Variants in CCDC170 observed in about 807,000 individuals in gnomAD.
CCDC170 encodes coiled-coil domain-containing protein 170.
A neutral mutation model predicts 72.6 loss-of-function variants in CCDC170; 69 were observed. The ratio of observed to expected loss-of-function variants is 0.95; its 90% confidence interval spans 0.78 to 1.16. The LOEUF (loss-of-function observed/expected upper bound fraction) is 1.16. Ranked by LOEUF, CCDC170 falls within the 50% of genes most tolerant of loss-of-function variation. The pLI, the probability that CCDC170 is intolerant of heterozygous loss-of-function variation, is 0.00. For synonymous variants in CCDC170, 300 were observed against 303.9 expected, an observed-to-expected ratio of 0.99 and a Z score of 0.13; for missense variants, 852 against 832.5, an observed-to-expected ratio of 1.02 and a Z score of -0.29.
At chr6:151,502,198 A>AG (rs778530771) in intron 1 of CCDC170, among the ~76,000 whole-genome samples, 1 of 152,198 alleles carries the variant, frequency 6.6e-6, no homozygotes, top group Non-Finnish European at 1.5e-5. Flanking sequence ...CTTGAGCCCA[A>AG]GAGTTTAGAG....
intron 8 of CCDC170, among the ~76,000 whole-genome samples, chr6:151,595,836 TA>T (rs1776613187): frequency 1.3e-5 from 2 of 152,062 alleles, no homozygotes; most frequent in African/African-American, 4.8e-5. Flanking sequence ...AAAGTTGATA[TA>T]TATCCACTCT....
chr6:151,499,148 G>C (rs866196601), intron 1 of CCDC170, among the ~76,000 whole-genome samples: 1 of 133,250 alleles, frequency 7.5e-6, no homozygotes. Flanking sequence ...GACTATTCTA[G>C]GCACGCTGTA....
chr6:151,569,523 T>G (rs1412374521), intron 5 of CCDC170, among the ~76,000 whole-genome samples: 1 of 152,254 alleles, frequency 6.6e-6, no homozygotes, highest in Non-Finnish European at 1.5e-5. Context: ...TGATTTCCTC[T>G]GTGGAGGTCA....
At chr6:151,608,492 T>C (rs936496101) in intron 9 of CCDC170, among the ~76,000 whole-genome samples, 6 of 151,734 alleles carry the variant, frequency 4.0e-5, no homozygotes, top group Non-Finnish European at 1.5e-5. Flanking sequence ...ATATGGCCTA[T>C]ATTGTTGATT....
intron 1 of CCDC170, among the ~76,000 whole-genome samples, chr6:151,525,140 G>C (rs1382292434): frequency 6.6e-6 from 1 of 152,044 alleles, no homozygotes; most frequent in Non-Finnish European, 1.5e-5. Flanking sequence ...CACTGTGTTA[G>C]CCAGGATAGT....
intron 1 of CCDC170, among the ~76,000 whole-genome samples, chr6:151,501,269 A>C (rs1781990836): frequency 6.6e-6 from 1 of 152,130 alleles, no homozygotes; most frequent in African/African-American, 2.4e-5. Flanking sequence ...TGGGGAGACT[A>C]AGGAAAAATG....
At chr6:151,608,822 G>C (rs1272153432) in intron 9 of CCDC170, among the ~76,000 whole-genome samples, 1 of 152,194 alleles carries the variant, frequency 6.6e-6, no homozygotes, top group Middle Eastern at 3.2e-3. Context: ...CAGGAAGTGA[G>C]TTTGCCTCAG....
At chr6:151,548,225 G>T (rs1355535475) in intron 4 of CCDC170, 79 bp from the exon 5 acceptor site, 21 of 1,240,340 alleles carry the variant, frequency 1.7e-5, no homozygotes, top group Middle Eastern at 6.1e-4. Context: ...TGATAATGCA[G>T]TCTATAGATG....
At chr6:151,586,717 A>C (rs1037643532) in intron 7 of CCDC170, among the ~76,000 whole-genome samples, 1 of 151,990 alleles carries the variant, frequency 6.6e-6, no homozygotes, top group Non-Finnish European at 1.5e-5. Context: ...AGTGTTCTTT[A>C]CTCTGTAGAA....
chr6:151,494,317 G>C (rs1378936080), intron 1 of CCDC170, 132 bp downstream of exon 1: 4 of 979,794 alleles, frequency 4.1e-6, no homozygotes, highest in Non-Finnish European at 5.5e-6. Context: ...CTCTGTGCCC[G>C]CGAGGGCTGT....
chr6:151,605,293 A>G (rs1776766422), intron 9 of CCDC170, among the ~76,000 whole-genome samples: 1 of 152,212 alleles, frequency 6.6e-6, no homozygotes, highest in African/African-American at 2.4e-5. Flanking sequence ...TGTTTGCCTC[A>G]GCTCTAGTCA....
intron 5 of CCDC170, among the ~76,000 whole-genome samples, chr6:151,565,468 G>A (rs966998576): frequency 6.6e-6 from 1 of 152,304 alleles, no homozygotes; most frequent in Admixed American, 6.5e-5. Context: ...GAGCTTCTCT[G>A]TGCTCCCAGC....
chr6:151,580,949 A>G (rs527723668), intron 6 of CCDC170, among the ~76,000 whole-genome samples: 11 of 152,198 alleles, frequency 7.2e-5, no homozygotes, highest in Non-Finnish European at 1.2e-4. Flanking sequence ...GTGTGCAATA[A>G]CCCTATATCT....
intron 1 of CCDC170, among the ~76,000 whole-genome samples, chr6:151,496,882 T>C (rs766824912): frequency 1.3e-5 from 2 of 152,232 alleles, no homozygotes; most frequent in Non-Finnish European, 2.9e-5. Context: ...TCACGGTTAA[T>C]AAATGTAAGG....
At chr6:151,571,934 T>C (rs1018316748) in intron 5 of CCDC170, among the ~76,000 whole-genome samples, 6 of 152,228 alleles carry the variant, frequency 3.9e-5, no homozygotes, top group Non-Finnish European at 7.3e-5. Flanking sequence ...CTGCTCACTG[T>C]AGCTTTGAAT....
chr6:151,598,062 T>A (rs1776650867), intron 9 of CCDC170, among the ~76,000 whole-genome samples: 1 of 152,196 alleles, frequency 6.6e-6, no homozygotes, highest in South Asian at 2.1e-4. Flanking sequence ...ACTGCCAAGT[T>A]GAAGTGTACT....
intron 8 of CCDC170, 133 bp from the exon 9 acceptor site, chr6:151,596,202 C>A: frequency 9.1e-7 from 1 of 1,094,160 alleles, no homozygotes; most frequent in Admixed American, 3.3e-5. Flanking sequence ...GAAAAGGAAT[C>A]CAATGACTTT....
chr6:151,598,571 G>A (rs9383931), intron 9 of CCDC170, among the ~76,000 whole-genome samples: 37 of 151,988 alleles, frequency 2.4e-4, no homozygotes, highest in African/African-American at 7.5e-4. Context: ...GTGAGAGACC[G>A]TCACAAATTT....
chr6:151,508,404 G>T (rs943432245), intron 1 of CCDC170, among the ~76,000 whole-genome samples: 6 of 152,064 alleles, frequency 3.9e-5, no homozygotes, highest in African/African-American at 7.2e-5. Flanking sequence ...AGGCATAGTG[G>T]GGGGGCGCCT....
Sources: allele counts gnomAD v4.1 joint callset (sites outside exome capture counted in the v4.1 genomes callset), GRCh38; gene constraint gnomAD v4.1.1; transcripts MANE v1.5; gene names NCBI Gene and HGNC (gene_info 2026-07-23, HGNC 2026-07-21).